Variants in KTN1 observed in about 807,000 individuals in gnomAD.
The protein encoded by KTN1 is kinectin 1, also known as kinectin.
In KTN1, 130 loss-of-function variants were observed where a neutral mutation model predicts 222.5. The ratio of observed to expected loss-of-function variants is 0.58; its 90% CI spans 0.51 to 0.68. The LOEUF (loss-of-function observed/expected upper bound fraction) is 0.68, where lower values mean the gene tolerates loss of function less well. Among genes scored for constraint, KTN1 ranks in the 30% least tolerant of loss-of-function variants. The probability of loss-of-function intolerance (pLI) is 0.00; values close to 1 mark genes in which losing one functional copy is unlikely to be tolerated. For synonymous variants in KTN1, 512 were observed against 496.3 expected (o/e 1.03, Z -0.42); for missense variants, 1,508 against 1,500.4 (o/e 1.01, Z -0.08).
chr14:55,617,957 A>G lies in KTN1; in HGVS notation c.662-7A>G, dbSNP rs765937008. Reference sequence around the variant, plus strand: ...CTAATTATGATTTTGTTGAACTTAAATTGCAGTCTTCGTAGATGAACCCCT... The same window carrying G: ...CTAATTATGATTTTGTTGAACTTAAGTTGCAGTCTTCGTAGATGAACCCCT... On this transcript the variant is annotated splice_region_variant and splice_polypyrimidine_tract_variant and intron_variant, in intron 3 of 43. Coordinates refer to ENST00000395314, the MANE Select transcript of KTN1 (RefSeq NM_001079521.2). 2.6e-6 allele frequency: 4 copies of G among 1,553,732 alleles called. No homozygotes were observed. Among genetic ancestry groups the G allele is most frequent in the Non-Finnish European group, 3.5e-6 (4 of 1,151,534 alleles).
intron 2 of KTN1, among the ~76,000 whole-genome samples, chr14:55,612,939 A>T (rs1480649240): frequency 6.6e-6 from 1 of 152,034 alleles, no homozygotes; most frequent in Non-Finnish European, 1.5e-5. Context: ...TAAATATCCA[A>T]CTTTGGCTAT....
intron 1 of KTN1, among the ~76,000 whole-genome samples, chr14:55,587,926 A>G (rs10135426): frequency 0.084 from 12,822 of 151,856 alleles, 580 homozygotes; most frequent in South Asian, 0.12. Flanking sequence ...TTTTTCTTTT[A>G]GTCTAAATAA....
intron 6 of KTN1, among the ~76,000 whole-genome samples, chr14:55,629,087 A>T (rs1465135911): frequency 6.6e-6 from 1 of 152,224 alleles, no homozygotes; most frequent in African/African-American, 2.4e-5. Context: ...AGGAGTTCAT[A>T]GTACCGGCAA....
chr14:55,662,567 A>G (rs1251646696), intron 32 of KTN1, among the ~76,000 whole-genome samples: 1 of 152,226 alleles, frequency 6.6e-6, no homozygotes, highest in East Asian at 1.9e-4. Flanking sequence ...CAACACCTGT[A>G]AGTAGAGTCC....
intron 1 of KTN1, among the ~76,000 whole-genome samples, chr14:55,600,632 C>T (rs79398217): frequency 0.06 from 9,185 of 152,166 alleles, 382 homozygotes; most frequent in South Asian, 0.089. Flanking sequence ...ACTCAGAAAT[C>T]TTATGAAAGG....
chr14:55,650,961 T>G (rs2042881225), intron 24 of KTN1, among the ~76,000 whole-genome samples: 1 of 152,144 alleles, frequency 6.6e-6, no homozygotes, highest in Admixed American at 6.6e-5. Flanking sequence ...GAAAACTGCA[T>G]GGACCAAAAT....
Position 55,629,967 on chromosome 14 carries a change from CAG to C in KTN1, c.1095_1096del (p.Lys366ArgfsTer22). On this transcript the variant is annotated frameshift_variant, in exon 7 of 44. Transcript: ENST00000395314. LOFTEE classifies it high-confidence loss of function. ...GGGATATTCTTTTAGGAAATGATGACAGAGAAAGAAAGAAGCAATGTGGTTAT... is the reference window on the plus strand; with the variant it reads ...GGGATATTCTTTTAGGAAATGATGACAGAAAGAAAGAAGCAATGTGGTTAT... 1.3e-6 allele frequency: 2 copies of C among 1,588,514 alleles called. No homozygotes were observed. The highest frequency in any genetic ancestry group is 1.7e-6 in the Non-Finnish European group (2 of 1,159,418).
At chr14:55,586,800 A>G (rs182447822) in intron 1 of KTN1, among the ~76,000 whole-genome samples, 1 of 152,228 alleles carries the variant, frequency 6.6e-6, no homozygotes, top group African/African-American at 2.4e-5. Context: ...ATGCTATAAA[A>G]TGTTTTAGTT....
At chr14:55,628,946 T>G (rs1207761538) in intron 6 of KTN1, among the ~76,000 whole-genome samples, 2 of 152,238 alleles carry the variant, frequency 1.3e-5, no homozygotes, top group African/African-American at 2.4e-5. Context: ...CAGGCAGCCA[T>G]AAATTATGTA....
chr14:55,647,698 A>C (rs1199122948), intron 19 of KTN1, among the ~76,000 whole-genome samples: 1 of 147,984 alleles, frequency 6.8e-6, no homozygotes, highest in African/African-American at 2.5e-5. Flanking sequence ...AATCCCCAGC[A>C]CTTTGGGAGG....
chr14:55,628,820 A>C lies in KTN1; in HGVS notation c.1080+792A>C, dbSNP rs187668343. Reference sequence around the variant, plus strand: ...TTTGTGACTATATGACTATATAAAAAATTAAAAATTAGGATAACTAATTTG... The same window carrying C: ...TTTGTGACTATATGACTATATAAAACATTAAAAATTAGGATAACTAATTTG... On this transcript the variant is annotated intron_variant, in intron 6 of 43. Transcript: ENST00000395314. Among the ~76,000 whole-genome samples the C allele has an allele frequency of 2.2e-3, 336 of 152,372 alleles. 4 individuals are homozygous for C. Among genetic ancestry groups the C allele is most frequent in the East Asian group, 1.2e-3 (6 of 5,192 alleles).
At chr14:55,617,844 C>A in intron 3 of KTN1, 120 bp from the exon 4 acceptor site, 2 of 721,672 alleles carry the variant, frequency 2.8e-6, no homozygotes, top group Admixed American at 3.0e-5. Context: ...AATTTAAAAC[C>A]AATTTGAGCT....
chr14:55,606,079 GTTGTTTT>G (rs2036684233), intron 1 of KTN1, among the ~76,000 whole-genome samples: 1 of 152,016 alleles, frequency 6.6e-6, no homozygotes, highest in Admixed American at 6.6e-5. Context: ...AGTTTTTTTT[GTTGTTTT>G]TTGTTTTTTT....
At chr14:55,654,349 AG>A (rs2043238868) in intron 28 of KTN1, among the ~76,000 whole-genome samples, 1 of 67,184 alleles carries the variant, frequency 1.5e-5, no homozygotes, top group Non-Finnish European at 3.5e-5. Context: ...TCTTTCTAAA[AG>A]GGAGATTACT....
intron 1 of KTN1, among the ~76,000 whole-genome samples, chr14:55,608,049 G>A (rs893863684): frequency 3.3e-5 from 5 of 152,198 alleles, no homozygotes; most frequent in African/African-American, 1.2e-4. Flanking sequence ...GTATTGAATT[G>A]TATACTGTGG....
At chr14:55,631,771 T>G (rs2040562898) in intron 7 of KTN1, among the ~76,000 whole-genome samples, 1 of 152,078 alleles carries the variant, frequency 6.6e-6, no homozygotes, top group South Asian at 2.1e-4. Flanking sequence ...GGTGAGACCC[T>G]GTCTCAAAAA....
At chr14:55,603,511 G>A (rs145684437) in intron 1 of KTN1, among the ~76,000 whole-genome samples, 120 of 152,206 alleles carry the variant, frequency 7.9e-4, no homozygotes, top group African/African-American at 2.7e-3. Context: ...TTCATCTGGC[G>A]TCCGGGACAG....
chr14:55,589,661 T>TC (rs1364792616), intron 1 of KTN1, among the ~76,000 whole-genome samples: 9 of 140,276 alleles, frequency 6.4e-5, no homozygotes, highest in South Asian at 2.5e-4. Context: ...GATTTCTTTT[T>TC]TTTTTTTTTT....
At chr14:55,622,047 C>T (rs2039216456) in intron 5 of KTN1, among the ~76,000 whole-genome samples, 1 of 151,876 alleles carries the variant, frequency 6.6e-6, no homozygotes, top group Non-Finnish European at 1.5e-5. Context: ...TGGGGTTTCA[C>T]CGTGTTAGCC....
Sources: allele counts gnomAD v4.1 joint callset (sites outside exome capture counted in the v4.1 genomes callset), GRCh38; gene constraint gnomAD v4.1.1; transcripts MANE v1.5; gene names NCBI Gene and HGNC (gene_info 2026-07-23, HGNC 2026-07-21).